The following RABGAP1 variants were observed in gnomAD, a reference collection of about 807,000 sequenced individuals.
RABGAP1 encodes the protein rab GTPase-activating protein 1.
A neutral mutation model predicts 137.6 loss-of-function variants in RABGAP1; 23 were observed. The observed-to-expected ratio is 0.17, with a 90% CI of 0.12 to 0.24. RABGAP1 has a LOEUF of 0.24. Among genes scored for constraint, RABGAP1 ranks in the 10% least tolerant of loss-of-function variants. The pLI, the probability that RABGAP1 is intolerant of heterozygous loss-of-function variation, is 1.00. For synonymous variants in RABGAP1, 451 were observed against 450.7 expected, an observed-to-expected ratio of 1.00 and a Z score of -0.01; for missense variants, 906 against 1,275.8, an observed-to-expected ratio of 0.71 and a Z score of 4.42.
Position 122,984,658 on chromosome 9 carries a change from T to C in RABGAP1, c.324T>C (p.Pro108=), listed in dbSNP as rs995954633. The C allele has an allele frequency of 6.2e-7, 1 of 1,614,196 alleles. No individual in the cohort carries two copies. The highest frequency in any genetic ancestry group is 8.5e-7 in the Non-Finnish European group (1 of 1,180,030). The change falls in exon 3 of 26, where the codon CCT becomes CCC. Residue 108 remains proline, a synonymous_variant. Coordinates refer to ENST00000373647, the MANE Select transcript of RABGAP1 (RefSeq NM_012197.4). ...TCTCCGCTTCATCCACCATTAACCCTGTGCCATTAGTAGGGCTCCAAAAAC... is the reference window on the plus strand; with the variant it reads ...TCTCCGCTTCATCCACCATTAACCCCGTGCCATTAGTAGGGCTCCAAAAAC... ...NQLSASSTIN[P]VPLVGLQKPE... is the part of the protein sequence containing the mutation.
intron 13 of RABGAP1, among the ~76,000 whole-genome samples, chr9:123,060,760 A>T (rs927629515): frequency 6.6e-6 from 1 of 152,222 alleles, no homozygotes; most frequent in Non-Finnish European, 1.5e-5. Context: ...ACTATATACC[A>T]CTACAATTAC....
intron 13 of RABGAP1, chr9:123,035,639 CGTGTGTGTGT>C (rs5900552): frequency 0.24 from 176,720 of 727,274 alleles, 9,781 homozygotes; most frequent in East Asian, 0.47. Flanking sequence ...ACGGGGTTCC[CGTGTGTGTGT>C]GTGTGTGTGT....
At chr9:123,096,484 C>CA (rs1159342370) in intron 21 of RABGAP1, among the ~76,000 whole-genome samples, 1 of 152,234 alleles carries the variant, frequency 6.6e-6, no homozygotes, top group African/African-American at 2.4e-5. Context: ...ATAAAAGAGT[C>CA]ACGCAATTTA....
At chr9:123,023,179 C>A (rs1254163377) in intron 13 of RABGAP1, among the ~76,000 whole-genome samples, 6 of 151,936 alleles carry the variant, frequency 3.9e-5, no homozygotes, top group Non-Finnish European at 8.8e-5. Flanking sequence ...TTTGATTGTT[C>A]TTGAATTTTT....
At chr9:122,977,617 A>G (rs1234234793) in intron 2 of RABGAP1, among the ~76,000 whole-genome samples, 1 of 152,142 alleles carries the variant, frequency 6.6e-6, no homozygotes, top group African/African-American at 2.4e-5. Context: ...GAGACATGAG[A>G]ATCGCTTGAA....
intron 6 of RABGAP1, among the ~76,000 whole-genome samples, chr9:122,992,162 G>T (rs1836759845): frequency 6.6e-6 from 1 of 151,832 alleles, no homozygotes; most frequent in Non-Finnish European, 1.5e-5. Context: ...TCAGCCTCCT[G>T]AGTAGCTGGG....
At chr9:123,046,984 T>C (rs941712869) in intron 13 of RABGAP1, among the ~76,000 whole-genome samples, 2 of 152,226 alleles carry the variant, frequency 1.3e-5, no homozygotes, top group African/African-American at 4.8e-5. Flanking sequence ...GAACTAGGAC[T>C]AGAATCCAGG....
chr9:123,098,656 G>A, intron 22 of RABGAP1, 59 bp from the exon 23 acceptor site: 1 of 1,491,522 alleles, frequency 6.7e-7, no homozygotes, highest in South Asian at 1.2e-5. Context: ...AGCGGTTGGT[G>A]GCAGAACTTC....
chr9:122,997,139 C>T (rs574976834), intron 8 of RABGAP1, 120 bp from the exon 9 acceptor site: 2 of 695,562 alleles, frequency 2.9e-6, no homozygotes, highest in South Asian at 3.8e-5. Flanking sequence ...TTCACATACA[C>T]TTATCCTCTT....
At position 122,998,751 on chromosome 9, in the gene RABGAP1, T is replaced by C; in HGVS notation, c.1359T>C (p.Phe453=). 1.3e-6 allele frequency: 2 copies of C among 1,596,666 alleles called. No homozygotes were observed. Among genetic ancestry groups the C allele is most frequent in the Non-Finnish European group, 1.7e-6 (2 of 1,170,242 alleles). ...AACGTAGTACTACTGAAAATTTCTT[T>C]TTGAAACTAAAACAGGTACTGTATT... is the stretch of plus-strand genomic sequence containing the variant. ...FSKRSTTENF[F]LKLKQIKQRE... The change falls in exon 10 of 26, where the codon TTT becomes TTC. Residue 453 remains phenylalanine, a synonymous_variant. Coordinates refer to ENST00000373647, the MANE Select transcript of RABGAP1 (RefSeq NM_012197.4).
intron 11 of RABGAP1, among the ~76,000 whole-genome samples, chr9:123,012,652 A>G (rs1048090056): frequency 4.6e-5 from 7 of 152,242 alleles, no homozygotes; most frequent in South Asian, 2.1e-4. Flanking sequence ...AAATCATGGA[A>G]CACTAGAACA....
At position 123,076,297 on chromosome 9, in the gene RABGAP1, A is replaced by C; in HGVS notation, c.2295+11A>C. 1 of 1,603,524 alleles carries C rather than the reference A, an allele frequency of 6.2e-7. No homozygotes were observed. The highest frequency in any genetic ancestry group is 8.5e-7 in the Non-Finnish European group (1 of 1,172,098). Reference sequence around the variant, plus strand: ...CTTGGATTATTAAAGGTACTCATTTATTTATTAGCTGAGTTATCTGTCATT... The same window carrying C: ...CTTGGATTATTAAAGGTACTCATTTCTTTATTAGCTGAGTTATCTGTCATT... On this transcript the variant is annotated intron_variant, in intron 18 of 25. Transcript: ENST00000373647.
intron 10 of RABGAP1, among the ~76,000 whole-genome samples, chr9:123,009,794 C>T (rs558519322): frequency 2.8e-4 from 41 of 146,034 alleles, no homozygotes; most frequent in African/African-American, 8.5e-4. Context: ...CTCCCCCTGA[C>T]CCCACCCCAA....
At chr9:123,009,093 G>A (rs1360000259) in intron 10 of RABGAP1, among the ~76,000 whole-genome samples, 1 of 152,200 alleles carries the variant, frequency 6.6e-6, no homozygotes, top group African/African-American at 2.4e-5. Context: ...AACCTGGCCT[G>A]TCACTTGTTT....
At chr9:122,957,545 C>T (rs1032725536) in intron 2 of RABGAP1, among the ~76,000 whole-genome samples, 17 of 151,980 alleles carry the variant, frequency 1.1e-4, no homozygotes, top group Non-Finnish European at 2.4e-4. Context: ...AGGGCACTGG[C>T]AGGTCAAAGA....
chr9:123,002,843 C>T (rs1412306998), intron 10 of RABGAP1, among the ~76,000 whole-genome samples: 1 of 151,990 alleles, frequency 6.6e-6, no homozygotes, highest in Non-Finnish European at 1.5e-5. Flanking sequence ...AGAGACTGCT[C>T]TGGACTCTTT....
intron 12 of RABGAP1, among the ~76,000 whole-genome samples, chr9:123,019,979 C>T (rs528387908): frequency 3.9e-4 from 59 of 152,040 alleles, no homozygotes; most frequent in African/African-American, 1.3e-3. Context: ...CCACCGCGCC[C>T]GGCCATCTTT....
intron 19 of RABGAP1, among the ~76,000 whole-genome samples, chr9:123,080,427 T>C (rs986815924): frequency 6.6e-6 from 1 of 152,184 alleles, no homozygotes; most frequent in Non-Finnish European, 1.5e-5. Context: ...CATAAGAGAA[T>C]GGGATTTTTC....
In RABGAP1 at chr9:123,070,513, T is replaced by C. The variant is rs759439409; in HGVS notation, c.1983+89T>C. On this transcript the variant is annotated intron_variant, in intron 15 of 25. Coordinates refer to ENST00000373647, the MANE Select transcript of RABGAP1 (RefSeq NM_012197.4). This position sits in a 1 kb window ranked among gnomAD's most constrained non-coding sequence, Gnocchi z 4.4. ...GCTTGAGCATGGTTTTATATTGGGT[T>C]TGGACAGACTCTTAAGGCATGAATT... The C allele has an allele frequency of 6.3e-7, 1 of 1,584,802 alleles. No homozygotes were observed. Among genetic ancestry groups the C allele is most frequent in the Non-Finnish European group, 8.6e-7 (1 of 1,167,282 alleles).
Sources: gnomAD v4.1 joint callset for allele counts (sites outside exome capture counted in the v4.1 genomes callset) on GRCh38, gnomAD v4.1.1 for gene constraint, Gnocchi (gnomAD v3.1) non-coding constraint, MANE v1.5 for transcripts, NCBI Gene and HGNC (gene_info 2026-07-23, HGNC 2026-07-21) for gene names.